PLB1: variants seen among roughly 807,000 people sequenced by gnomAD.
The protein encoded by PLB1 is phospholipase B1.
PLB1 carries 242 observed loss-of-function variants against 227.4 expected under a neutral mutation model. The observed-to-expected ratio is 1.06, with a 90% CI of 0.96 to 1.18. The LOEUF is 1.18. Among genes scored for constraint, PLB1 ranks in the 50% most tolerant of loss-of-function variants. PLB1 has a pLI of 0.00. For missense variants in PLB1, 1,858 were observed against 1,816.3 expected (o/e 1.02, Z -0.42); for synonymous variants, 757 against 682.2 (o/e 1.11, Z -1.71).
At chr2:28,592,542 C>T in intron 31 of PLB1, 119 bp from the exon 32 acceptor site, 1 of 981,988 alleles carries the variant, frequency 1.0e-6, no homozygotes, top group East Asian at 2.4e-5. Context: ...CACACCCAGC[C>T]CTGCATGGCC....
At chr2:28,574,339 C>CCCT (rs1337883737) in intron 21 of PLB1, among the ~76,000 whole-genome samples, 5 of 40,544 alleles carry the variant, frequency 1.2e-4, no homozygotes, top group Non-Finnish European at 6.3e-4. Flanking sequence ...ATCCCTCACC[C>CCCT]CCCCCACCCT....
intron 8 of PLB1, among the ~76,000 whole-genome samples, chr2:28,530,192 G>A (rs1334914933): frequency 6.6e-6 from 1 of 151,996 alleles, no homozygotes; most frequent in African/African-American, 2.4e-5. Context: ...GGTTTTCCTT[G>A]TGGTCGTGCT....
chr2:28,523,998 A>T (rs1362676618), intron 4 of PLB1, among the ~76,000 whole-genome samples: 1 of 152,198 alleles, frequency 6.6e-6, no homozygotes, highest in Non-Finnish European at 1.5e-5. Flanking sequence ...TGGGAGATTT[A>T]TCTCCTGTCT....
At chr2:28,521,704 G>A (rs1669552012) in intron 4 of PLB1, among the ~76,000 whole-genome samples, 1 of 152,092 alleles carries the variant, frequency 6.6e-6, no homozygotes, top group Non-Finnish European at 1.5e-5. Context: ...GAGAGCAAAG[G>A]AGAATGTCAG....
At chr2:28,530,815 A>C (rs141576978) in intron 8 of PLB1, among the ~76,000 whole-genome samples, 1 of 152,378 alleles carries the variant, frequency 6.6e-6, no homozygotes, top group African/African-American at 2.4e-5. Context: ...TCTAAGGCAT[A>C]TAAGGACAGG....
chr2:28,599,033 A>C (rs766478943), intron 35 of PLB1, among the ~76,000 whole-genome samples: 1 of 152,226 alleles, frequency 6.6e-6, no homozygotes, highest in Non-Finnish European at 1.5e-5. Flanking sequence ...GACTAACCTT[A>C]TCCAATGTTT....
In PLB1 at chr2:28,525,202, G is replaced by A. The variant is rs1475361498; in HGVS notation, c.244-65G>A. ...GGGGGAGTTCTGACAGGCAGCTTGC[G>A]GTCTAACTAGAAGAGGCTCTGCCAC... On this transcript the variant is annotated intron_variant, in intron 4 of 57. Transcript: ENST00000327757. 34 of 1,492,360 alleles carry A rather than the reference G, an allele frequency of 2.3e-5. 1 individual carries two copies. The highest frequency in any genetic ancestry group is 2.1e-4 in the South Asian group (18 of 85,638). The allele number at this position is 1,492,360 out of a possible 1,614,324, so 92.4% of individuals were successfully genotyped here. A position where few individuals can be genotyped will look rare whatever the true frequency, so the allele number is the denominator to read the frequency against.
Position 28,631,548 on chromosome 2 carries a change from T to C in PLB1, c.3898-488T>C, listed in dbSNP as rs73924322. Among the ~76,000 whole-genome samples, 448 of 152,366 alleles carry C rather than the reference T, an allele frequency of 2.9e-3. 4 individuals carry two copies. Among genetic ancestry groups the C allele is most frequent in the African/African-American group, 0.01 (430 of 41,580 alleles). On this transcript the variant is annotated intron_variant, in intron 54 of 57. Coordinates refer to ENST00000327757, the MANE Select transcript of PLB1 (RefSeq NM_153021.5). Reference sequence around the variant, plus strand: ...TCTAGTCTGTTCCTTTTACATTCCATGCTTGGGTACTTAAATCCAGCCACC... The same window carrying C: ...TCTAGTCTGTTCCTTTTACATTCCACGCTTGGGTACTTAAATCCAGCCACC...
At chr2:28,542,025 C>T (rs1407385619) in intron 13 of PLB1, among the ~76,000 whole-genome samples, 1 of 151,908 alleles carries the variant, frequency 6.6e-6, no homozygotes, top group Non-Finnish European at 1.5e-5. Flanking sequence ...CCCAGCTACT[C>T]TGGAGGCTGA....
At chr2:28,575,472 C>T (rs1359576619) in intron 21 of PLB1, among the ~76,000 whole-genome samples, 3 of 152,146 alleles carry the variant, frequency 2.0e-5, no homozygotes, top group African/African-American at 7.2e-5. Context: ...GCTCTCAGCA[C>T]CATCCTGAGA....
chr2:28,576,885 C>T (rs972485161), intron 21 of PLB1, among the ~76,000 whole-genome samples: 3 of 152,104 alleles, frequency 2.0e-5, no homozygotes, highest in Non-Finnish European at 4.4e-5. Context: ...TAATCGAATA[C>T]CTAGTGTACT....
chr2:28,590,195 A>G, intron 29 of PLB1, 119 bp downstream of exon 29: 1 of 857,876 alleles, frequency 1.2e-6, no homozygotes, highest in South Asian at 1.5e-5. Context: ...TTTATACTCC[A>G]GGGTTAACTG....
chr2:28,601,414 C>T, intron 37 of PLB1, 82 bp downstream of exon 37: 1 of 1,157,734 alleles, frequency 8.6e-7, no homozygotes, highest in Non-Finnish European at 1.3e-6. Context: ...AGAACAGTTC[C>T]TAAAACCAAT....
chr2:28,548,643 T>A (rs1447461739), intron 14 of PLB1: 1 of 629,862 alleles, frequency 1.6e-6, no homozygotes, highest in East Asian at 3.1e-5. Context: ...CAAACTCGGG[T>A]GTGCATCAGA....
Position 28,525,249 on chromosome 2 carries a change from A to T in PLB1, c.244-18A>T, listed in dbSNP as rs572096775. The T allele has an allele frequency of 5.0e-6, 8 of 1,612,554 alleles. No homozygotes were observed. The highest frequency in any genetic ancestry group is 6.8e-6 in the Non-Finnish European group (8 of 1,179,568). ...CCACCTCCCCTGGCTGGGTGTTAAC[A>T]TTGAGTATCTATTCCAGCCTCCAGA... is the stretch of plus-strand genomic sequence containing the variant. On this transcript the variant is annotated intron_variant, in intron 4 of 57. Transcript: ENST00000327757.
intron 16 of PLB1, among the ~76,000 whole-genome samples, chr2:28,550,733 G>C (rs1411453610): frequency 2.0e-5 from 3 of 151,460 alleles, no homozygotes; most frequent in African/African-American, 7.3e-5. Flanking sequence ...GTAGAGACAG[G>C]GTTTCACCAT....
chr2:28,574,526 G>A (rs932666956), intron 21 of PLB1, among the ~76,000 whole-genome samples: 7 of 149,812 alleles, frequency 4.7e-5, no homozygotes, highest in Non-Finnish European at 7.4e-5. Context: ...GGGATCACAG[G>A]CACACATCAC....
chr2:28,579,547 T>C (rs1679561325), intron 22 of PLB1, 80 bp from the exon 23 acceptor site: 1 of 1,144,396 alleles, frequency 8.7e-7, no homozygotes, highest in Admixed American at 1.7e-5. Flanking sequence ...ACCCATCTTT[T>C]CTAGTTTGCA....
chr2:28,509,924 G>C (rs1047606147), intron 1 of PLB1, among the ~76,000 whole-genome samples: 6 of 152,110 alleles, frequency 3.9e-5, no homozygotes, highest in Admixed American at 2.0e-4. Context: ...AGGGTTAGTG[G>C]GGCCAGAAGT....
Sources: gnomAD v4.1 joint callset for allele counts (sites outside exome capture counted in the v4.1 genomes callset) on GRCh38, gnomAD v4.1.1 for gene constraint, MANE v1.5 for transcripts, NCBI Gene and HGNC (gene_info 2026-07-23, HGNC 2026-07-21) for gene names.